FBN1: variants seen among roughly 807,000 people sequenced by gnomAD.
FBN1 encodes the protein fibrillin 1, also known as fibrillin-1.
In FBN1, 29 loss-of-function variants were observed where a neutral mutation model predicts 365.1. The ratio of observed to expected loss-of-function variants is 0.08; its 90% confidence interval spans 0.06 to 0.11. The LOEUF is 0.11. Ranked by LOEUF, FBN1 falls within the 10% of genes least tolerant of loss-of-function variation. FBN1 has a pLI of 1.00. For missense variants in FBN1, 2,476 were observed against 3,703.2 expected, an observed-to-expected ratio of 0.67 and a Z score of 8.60; for synonymous variants, 1,210 against 1,270.5, an observed-to-expected ratio of 0.95 and a Z score of 1.01.
At chr15:48,516,123 T>A in intron 11 of FBN1, 60 bp downstream of exon 11, 1 of 1,473,300 alleles carries the variant, frequency 6.8e-7, no homozygotes, top group South Asian at 1.2e-5. Flanking sequence ...AAATAAATAA[T>A]AAAAAAATGT....
At chr15:48,434,060 T>TAGAC (rs1393844538) in intron 54 of FBN1, among the ~76,000 whole-genome samples, 1 of 152,198 alleles carries the variant, frequency 6.6e-6, no homozygotes, top group Non-Finnish European at 1.5e-5. Flanking sequence ...GCCACTGCTC[T>TAGAC]AGACACTCCC....
intron 2 of FBN1, among the ~76,000 whole-genome samples, chr15:48,628,007 T>C (rs1889916704): frequency 6.6e-6 from 1 of 152,140 alleles, no homozygotes; most frequent in African/African-American, 2.4e-5. Flanking sequence ...CAGCACCCAC[T>C]GACGAAAAAG....
chr15:48,424,252 G>A (rs139305901), intron 60 of FBN1, among the ~76,000 whole-genome samples: 1 of 152,138 alleles, frequency 6.6e-6, no homozygotes, highest in Non-Finnish European at 1.5e-5. Context: ...GATTATACAG[G>A]CTTTGTGCTG....
chr15:48,573,725 AT>A (rs1455720781), intron 6 of FBN1, among the ~76,000 whole-genome samples: 4 of 152,202 alleles, frequency 2.6e-5, no homozygotes, highest in African/African-American at 9.7e-5. Context: ...TTGGCAAACA[AT>A]TAAAGGAACC....
chr15:48,498,889 C>T (rs1667961214), intron 18 of FBN1, 96 bp downstream of exon 18: 2 of 1,189,092 alleles, frequency 1.7e-6, no homozygotes, highest in African/African-American at 3.0e-5. Flanking sequence ...GGAGTCAGGC[C>T]AGACTAGTGT....
At chr15:48,496,772 G>C (rs543342088) in intron 19 of FBN1, among the ~76,000 whole-genome samples, 4 of 152,272 alleles carry the variant, frequency 2.6e-5, no homozygotes, top group Admixed American at 1.3e-4. Context: ...TCATGATTCA[G>C]GGACCTCAGG....
At chr15:48,634,775 A>C (rs993216300) in intron 2 of FBN1, among the ~76,000 whole-genome samples, 17 of 151,244 alleles carry the variant, frequency 1.1e-4, no homozygotes, top group Admixed American at 5.9e-4. Context: ...GAAGAAAAAG[A>C]AGAAAAGGAA....
At chr15:48,412,163 C>T (rs1468371755) in intron 65 of FBN1, among the ~76,000 whole-genome samples, 1 of 152,218 alleles carries the variant, frequency 6.6e-6, no homozygotes, top group African/African-American at 2.4e-5. Flanking sequence ...TCCAAGTTCC[C>T]TCACACTCCA....
rs550430055 is a variant in FBN1, at chr15:48,518,541, T to C, written c.1147+2118A>G. Among the ~76,000 whole-genome samples, 5 of 152,356 alleles carry C rather than the reference T, an allele frequency of 3.3e-5. No individual in the cohort carries two copies. The East Asian group carries it at 5.8e-4, about 18-fold the overall frequency. Reference sequence around the variant, plus strand: ...TCAGCATTTCTGCTAATTAGGTGGGTATTTTACTTTAAGAATGCCATTAAA... The same window carrying C: ...TCAGCATTTCTGCTAATTAGGTGGGCATTTTACTTTAAGAATGCCATTAAA... On this transcript the variant is annotated intron_variant, in intron 10 of 65. Transcript: ENST00000316623.
chr15:48,498,960 A>C (rs770835817), intron 18 of FBN1, 25 bp downstream of exon 18: 6 of 1,610,392 alleles, frequency 3.7e-6, no homozygotes, highest in Non-Finnish European at 5.1e-6. Context: ...TACTGAAGGT[A>C]GTAAATTTTG....
intron 6 of FBN1, among the ~76,000 whole-genome samples, chr15:48,589,784 T>A (rs1303495776): frequency 6.6e-6 from 1 of 151,760 alleles, no homozygotes; most frequent in Non-Finnish European, 1.5e-5. Flanking sequence ...CGGCTAATTT[T>A]GTTTTTCTAT....
chr15:48,599,364 T>C (rs550977509), intron 5 of FBN1, among the ~76,000 whole-genome samples: 9 of 152,216 alleles, frequency 5.9e-5, no homozygotes, highest in Non-Finnish European at 1.0e-4. Flanking sequence ...GAATAAAGTA[T>C]TAAGTGAAAA....
intron 9 of FBN1, among the ~76,000 whole-genome samples, chr15:48,524,601 G>C (rs2043892325): frequency 1.3e-5 from 2 of 152,090 alleles, no homozygotes; most frequent in Admixed American, 6.6e-5. Flanking sequence ...GCTTGCCTAG[G>C]GATCTGGCAA....
chr15:48,440,741 G>A (rs1566897021), intron 50 of FBN1, among the ~76,000 whole-genome samples: 1 of 152,090 alleles, frequency 6.6e-6, no homozygotes. Flanking sequence ...AGATATTATT[G>A]TTGTTTAAAA....
In FBN1 at chr15:48,456,609, G is replaced by T. The variant is rs184251117; in HGVS notation, c.5422+28C>A. On this transcript the variant is annotated intron_variant, in intron 44 of 65. Transcript: ENST00000316623. ...TAGCTCATCAGTTAGCTCTTTTCTG[G>T]ATATGATAAAGTCATGATGCCACTT... 2.5e-6 allele frequency: 4 copies of T among 1,611,364 alleles called. No homozygotes were observed. In the East Asian group the frequency reaches 6.7e-5, roughly 27 times the overall value.
chr15:48,534,229 A>AT, intron 7 of FBN1, 24 bp from the exon 8 acceptor site: 1 of 1,583,310 alleles, frequency 6.3e-7, no homozygotes. Context: ...GAAGACAGAG[A>AT]GAAAAAAAAA....
chr15:48,494,522 C>T (rs1459221125), intron 22 of FBN1, among the ~76,000 whole-genome samples: 2 of 152,178 alleles, frequency 1.3e-5, no homozygotes, highest in African/African-American at 4.8e-5. Context: ...AAAGTGATAG[C>T]TAAGAGGGAA....
chr15:48,418,000 G>A (rs751960082), intron 63 of FBN1, among the ~76,000 whole-genome samples: 1 of 152,334 alleles, frequency 6.6e-6, no homozygotes, highest in Non-Finnish European at 1.5e-5. Flanking sequence ...CCTGCAAGGC[G>A]TGGGTATATG....
chr15:48,520,815 C>T lies in FBN1; in HGVS notation c.991G>A (p.Val331Ile). 1.9e-6 allele frequency: 3 copies of T among 1,614,110 alleles called. No individual in the cohort carries two copies. Among genetic ancestry groups the T allele is most frequent in the Non-Finnish European group, 2.5e-6 (3 of 1,180,012 alleles). Residue 331 changes from valine to isoleucine, a missense_variant and splice_region_variant, in exon 10 of 66, where the codon GTT becomes ATT. Physicochemically the swap from Val to Ile is conservative, Grantham distance 29. Around this residue, in one of 5 missense-constraint regions of FBN1, gnomAD observed 421 missense variants for 520.1 expected, o/e 0.81. Coordinates refer to ENST00000316623, the MANE Select transcript of FBN1 (RefSeq NM_000138.5). ...TSPDGTRCID[V>I]RPGYCYTALT... Reference sequence around the variant, plus strand: ...GCTGTGTAACAGTATCCTGGGCGAACATCTGAGGACAAAGAAACACATACA... The same window carrying T: ...GCTGTGTAACAGTATCCTGGGCGAATATCTGAGGACAAAGAAACACATACA...
Sources: gnomAD v4.1 joint callset for allele counts (sites outside exome capture counted in the v4.1 genomes callset) on GRCh38, gnomAD v4.1.1 for gene constraint, gnomAD v4.1.1 regional missense constraint, MANE v1.5 for transcripts, NCBI Gene and HGNC (gene_info 2026-07-23, HGNC 2026-07-21) for gene names.